The following TPRG1 variants were observed in gnomAD, a reference collection of about 807,000 sequenced individuals.
The protein encoded by TPRG1 is tumor protein p63 regulated 1.
Under a neutral mutation model 29.3 loss-of-function variants are expected in TPRG1, and 29 were observed. That is an observed-to-expected ratio of 0.99 (90% CI 0.74 to 1.35). The LOEUF (loss-of-function observed/expected upper bound fraction) is 1.35, where lower values mean the gene tolerates loss of function less well. Among genes scored for constraint, TPRG1 ranks in the 40% most tolerant of loss-of-function variants. The pLI, the probability that TPRG1 is intolerant of heterozygous loss-of-function variation, is 0.00. For synonymous variants in TPRG1, 130 were observed against 116.8 expected, an observed-to-expected ratio of 1.11 and a Z score of -0.73; for missense variants, 327 against 335.0, an observed-to-expected ratio of 0.98 and a Z score of 0.19.
intron 1 of TPRG1, among the ~76,000 whole-genome samples, chr3:189,107,700 T>C (rs1018125786): frequency 2.6e-5 from 4 of 152,258 alleles, no homozygotes; most frequent in Middle Eastern, 3.4e-3. Flanking sequence ...CTGCTTTAAA[T>C]GAAAAAATGT....
intron 4 of TPRG1, among the ~76,000 whole-genome samples, chr3:189,078,097 CTTTCTT>C (rs1560430777): frequency 9.5e-5 from 5 of 52,716 alleles, no homozygotes; most frequent in Non-Finnish European, 2.4e-4. Flanking sequence ...TTCTCTCTTT[CTTTCTT>C]TCTTTCTTTC....
chr3:189,066,311 C>T (rs1716441442), intron 4 of TPRG1, among the ~76,000 whole-genome samples: 1 of 152,034 alleles, frequency 6.6e-6, no homozygotes, highest in South Asian at 2.1e-4. Flanking sequence ...TTTCCAAACT[C>T]ATTCAACAAG....
At chr3:189,243,436 T>C (rs370882387) in intron 4 of TPRG1, among the ~76,000 whole-genome samples, 11 of 152,320 alleles carry the variant, frequency 7.2e-5, no homozygotes, top group East Asian at 5.8e-4. Context: ...CAAGGAGGTC[T>C]CTAAAATGCC....
chr3:189,012,037 G>C (rs773533674), intron 3 of TPRG1, among the ~76,000 whole-genome samples: 6 of 152,190 alleles, frequency 3.9e-5, no homozygotes, highest in Non-Finnish European at 8.8e-5. Flanking sequence ...TTTGGGCTGA[G>C]ATGACGGGGT....
rs147809557 is a variant in TPRG1, at chr3:189,030,477, T to C, written c.-463+6531T>C. Among the ~76,000 whole-genome samples the C allele has an allele frequency of 3.7e-4, 57 of 152,338 alleles. 1 individual carries two copies. The East Asian group carries it at 0.01, about 27-fold the overall frequency. On this transcript the variant is annotated intron_variant, in intron 4 of 10. Transcript: ENST00000433971. ...TTTCTAATTAATCTGCATTAAATAATTCACTTTCCAATTCCTCCAACCATT... is the reference window on the plus strand; with the variant it reads ...TTTCTAATTAATCTGCATTAAATAACTCACTTTCCAATTCCTCCAACCATT...
intron 4 of TPRG1, among the ~76,000 whole-genome samples, chr3:189,025,842 T>G (rs1276001411): frequency 6.6e-6 from 1 of 152,186 alleles, no homozygotes; most frequent in Non-Finnish European, 1.5e-5. Flanking sequence ...AAATAATAAC[T>G]TCATGTTGAA....
rs1405586396 is a variant in TPRG1 at position 189,107,701 on chromosome 3, G to GA, written c.-744+7503dup. Among the ~76,000 whole-genome samples, 8 of 152,058 alleles carry GA rather than the reference G, an allele frequency of 5.3e-5. No homozygotes were observed. In the South Asian group the frequency reaches 8.3e-4, roughly 16 times the overall value. On this transcript the variant is annotated intron_variant, in intron 1 of 6. Coordinates refer to the TPRG1 transcript ENST00000412373. ...ACATTAGCACTAACCTGCTTTAAATGAAAAAATGTGCATATCCCTGTAAGT... is the reference window on the plus strand; with the variant it reads ...ACATTAGCACTAACCTGCTTTAAATGAAAAAAATGTGCATATCCCTGTAAGT...
rs1259175315 is a variant in TPRG1, at chr3:189,312,202, T to A, written c.633+1663T>A. On this transcript the variant is annotated intron_variant, in intron 5 of 5. Transcript: ENST00000345063. ...CTTTCTTTTTTTCTTTCTTTCTTTCTTTCTTTCTTTCTTTCTTAAGACGGA... is the reference window on the plus strand; with the variant it reads ...CTTTCTTTTTTTCTTTCTTTCTTTCATTCTTTCTTTCTTTCTTAAGACGGA... 9.7e-5 allele frequency among the ~76,000 whole-genome samples: 9 copies of A among 93,260 alleles called. 2 individuals carry two copies. The East Asian group carries it at 1.6e-3, about 16-fold the overall frequency. 61.2% of individuals were successfully genotyped at this position (93,260 alleles called of 152,430 possible). A position where few individuals can be genotyped will look rare whatever the true frequency, so the allele number is the denominator to read the frequency against.
chr3:189,003,801 T>C (rs1712149300), intron 2 of TPRG1, among the ~76,000 whole-genome samples: 1 of 152,142 alleles, frequency 6.6e-6, no homozygotes, highest in African/African-American at 2.4e-5. Flanking sequence ...GAGGGTACCA[T>C]GGTTCAATAT....
intron 4 of TPRG1, among the ~76,000 whole-genome samples, chr3:189,245,891 C>T (rs1446883866): frequency 6.6e-6 from 1 of 151,920 alleles, no homozygotes; most frequent in East Asian, 1.9e-4. Context: ...GTGAATTGAG[C>T]CTTTTTTTCA....
chr3:189,241,605 A>G (rs1740607881), intron 4 of TPRG1, among the ~76,000 whole-genome samples: 1 of 151,956 alleles, frequency 6.6e-6, no homozygotes, highest in South Asian at 2.1e-4. Flanking sequence ...TGGGGTATTG[A>G]TATGGTTTGG....
intron 4 of TPRG1, among the ~76,000 whole-genome samples, chr3:189,044,630 AAG>A (rs1232592843): frequency 6.6e-6 from 1 of 152,184 alleles, no homozygotes; most frequent in African/African-American, 2.4e-5. Context: ...AAAGAATAGA[AAG>A]AGGATACGAA....
intron 4 of TPRG1, among the ~76,000 whole-genome samples, chr3:189,091,163 A>G (rs1251793777): frequency 6.6e-6 from 1 of 151,914 alleles, no homozygotes; most frequent in Non-Finnish European, 1.5e-5. Context: ...ATAAATGTCA[A>G]CTATCATTAT....
intron 5 of TPRG1, chr3:189,313,241 A>G (rs1000324744): frequency 6.6e-6 from 1 of 152,146 alleles, no homozygotes; most frequent in African/African-American, 2.4e-5. Context: ...ATGTCACAAT[A>G]TTATTTATGT....
At position 189,310,719 on chromosome 3, in the gene TPRG1, TAA is replaced by T. The variant is rs1722351200; in HGVS notation, c.633+182_633+183del. On this transcript the variant is annotated intron_variant, in intron 5 of 5. Transcript: ENST00000345063. ...GTAATAGGTTTATAATTTATTTTAGTAAAGAGTCAAACTGTTTTTATATGTAA... is the reference window on the plus strand; with the variant it reads ...GTAATAGGTTTATAATTTATTTTAGTAGAGTCAAACTGTTTTTATATGTAA... Among the ~76,000 whole-genome samples, 2 of 152,158 alleles carry T rather than the reference TAA, an allele frequency of 1.3e-5. 1 individual carries two copies. Among genetic ancestry groups the T allele is most frequent in the Non-Finnish European group, 2.9e-5 (2 of 68,012 alleles).
At chr3:189,164,585 C>T (rs549580539) in intron 5 of TPRG1, among the ~76,000 whole-genome samples, 8 of 150,362 alleles carry the variant, frequency 5.3e-5, no homozygotes, top group African/African-American at 1.7e-4. Flanking sequence ...CTTTTTACCT[C>T]TTTTGAAAAT....
intron 3 of TPRG1, among the ~76,000 whole-genome samples, chr3:189,137,296 A>ATATG (rs1723869193): frequency 7.7e-6 from 1 of 129,844 alleles, no homozygotes; most frequent in Non-Finnish European, 1.7e-5. Flanking sequence ...AAACCCCAAA[A>ATATG]TGTGTGTGTG....
intron 4 of TPRG1, among the ~76,000 whole-genome samples, chr3:189,305,690 C>G (rs1721517361): frequency 6.6e-6 from 1 of 152,194 alleles, no homozygotes; most frequent in Non-Finnish European, 1.5e-5. Context: ...AAAGTAAGAA[C>G]TGTGATCTTT....
chr3:189,249,062 C>G (rs1024211157), intron 4 of TPRG1, among the ~76,000 whole-genome samples: 1 of 151,090 alleles, frequency 6.6e-6, no homozygotes, highest in Non-Finnish European at 1.5e-5. Context: ...ATAAGTGGTA[C>G]GGAGATCTAC....
Sources: gnomAD v4.1 joint callset for allele counts (sites outside exome capture counted in the v4.1 genomes callset) on GRCh38, gnomAD v4.1.1 for gene constraint, MANE v1.5 for transcripts, NCBI Gene and HGNC (gene_info 2026-07-23, HGNC 2026-07-21) for gene names.